The following COL13A1 variants were observed in gnomAD, a reference collection of about 807,000 sequenced individuals.
COL13A1 encodes collagen alpha-1(XIII) chain.
COL13A1 carries 89 observed loss-of-function variants against 130.9 expected under a neutral mutation model. That is an observed-to-expected ratio of 0.68 (90% CI 0.57 to 0.81). COL13A1 has a LOEUF of 0.81. COL13A1 is among the 30% of genes least tolerant of loss of function. The pLI is 0.00. For synonymous variants in COL13A1, 402 were observed against 341.6 expected (o/e 1.18, Z -1.95); for missense variants, 879 against 934.6 (o/e 0.94, Z 0.78).
intron 37 of COL13A1, among the ~76,000 whole-genome samples, chr10:69,946,738 A>C (rs550229992): frequency 6.6e-6 from 1 of 152,168 alleles, no homozygotes; most frequent in Non-Finnish European, 1.5e-5. Context: ...ACCCAGCCAC[A>C]GGCCAGGACC....
chr10:69,831,238 A>G (rs1848746525), intron 2 of COL13A1, among the ~76,000 whole-genome samples: 2 of 152,188 alleles, frequency 1.3e-5, no homozygotes, highest in South Asian at 4.1e-4. Flanking sequence ...GTGCACCCTC[A>G]GCCACCTGTG....
chr10:69,846,956 AG>A (rs1853314132), intron 2 of COL13A1, among the ~76,000 whole-genome samples: 1 of 152,212 alleles, frequency 6.6e-6, no homozygotes, highest in Non-Finnish European at 1.5e-5. Flanking sequence ...GGCCCTCATT[AG>A]GGGCTCACCC....
At chr10:69,884,266 G>C (rs1366685527) in intron 7 of COL13A1, among the ~76,000 whole-genome samples, 3 of 152,152 alleles carry the variant, frequency 2.0e-5, no homozygotes, top group Non-Finnish European at 4.4e-5. Context: ...ACCTCATGTT[G>C]GTAGCTTGAA....
At chr10:69,937,108 G>T (rs1360583956) in intron 33 of COL13A1, among the ~76,000 whole-genome samples, 1 of 152,174 alleles carries the variant, frequency 6.6e-6, no homozygotes, top group Non-Finnish European at 1.5e-5. Context: ...AGCAACATAG[G>T]GTGGGACCCC....
At chr10:69,874,390 G>T (rs2134139935) in intron 4 of COL13A1, among the ~76,000 whole-genome samples, 1 of 152,258 alleles carries the variant, frequency 6.6e-6, no homozygotes, top group Admixed American at 6.5e-5. Flanking sequence ...CCCACCCCAG[G>T]TTTTATGATG....
intron 21 of COL13A1, among the ~76,000 whole-genome samples, chr10:69,920,775 G>A (rs758428835): frequency 1.3e-5 from 2 of 152,154 alleles, no homozygotes. Flanking sequence ...TGTTATGGCC[G>A]CCTGAGCTGA....
At chr10:69,953,826 CCT>C (rs2070093321) in intron 39 of COL13A1, 3 of 152,752 alleles carry the variant, frequency 2.0e-5, no homozygotes, top group African/African-American at 7.2e-5. Flanking sequence ...GGATTTAGCC[CCT>C]GTTTGTAGAT....
At chr10:69,803,589 G>A (rs1375089385) in intron 1 of COL13A1, among the ~76,000 whole-genome samples, 1 of 152,166 alleles carries the variant, frequency 6.6e-6, no homozygotes, top group Non-Finnish European at 1.5e-5. Flanking sequence ...AGGCAGGTGG[G>A]GGCCGCAGCA....
chr10:69,929,189 T>C (rs1261402758), intron 28 of COL13A1, among the ~76,000 whole-genome samples, 190 bp downstream of exon 28: 1 of 148,926 alleles, frequency 6.7e-6, no homozygotes, highest in African/African-American at 2.4e-5. Flanking sequence ...TGCCATCTGC[T>C]TGGGCTCCTG....
chr10:69,895,789 T>C (rs1328916371), intron 13 of COL13A1, among the ~76,000 whole-genome samples: 1 of 152,132 alleles, frequency 6.6e-6, no homozygotes, highest in Non-Finnish European at 1.5e-5. Context: ...AGCCATGTGC[T>C]ATATGGAGCC....
chr10:69,923,418 G>T (rs1339055421), intron 23 of COL13A1, among the ~76,000 whole-genome samples: 1 of 152,214 alleles, frequency 6.6e-6, no homozygotes, highest in Admixed American at 6.5e-5. Context: ...AATGAAGGGG[G>T]TCTGTTTCTT....
At chr10:69,901,834 C>A (rs1321875447) in intron 14 of COL13A1, among the ~76,000 whole-genome samples, 1 of 152,224 alleles carries the variant, frequency 6.6e-6, no homozygotes, top group Non-Finnish European at 1.5e-5. Flanking sequence ...GCTCACAGTC[C>A]ATCCCGTGGA....
chr10:69,894,272 G>A (rs2061439478), intron 10 of COL13A1, among the ~76,000 whole-genome samples: 1 of 152,212 alleles, frequency 6.6e-6, no homozygotes, highest in South Asian at 2.1e-4. Context: ...TGACCTCTAG[G>A]TAGAGCCCCT....
chr10:69,894,716 G>C lies in COL13A1; in HGVS notation c.657+15G>C. On this transcript the variant is annotated intron_variant, in intron 12 of 40. Coordinates refer to ENST00000645393, the MANE Select transcript of COL13A1 (RefSeq NM_001368882.1). ...AAGGAGAAAAGGTAAGAGCAGTGGA[G>C]GTTTCCTAGAGTCTCCATCTCAGGA... The C allele has an allele frequency of 6.2e-7, 1 of 1,613,878 alleles. No individual in the cohort carries two copies. Among genetic ancestry groups the C allele is most frequent in the Non-Finnish European group, 8.5e-7 (1 of 1,179,854 alleles).
At chr10:69,853,467 C>T (rs1186134595) in intron 2 of COL13A1, among the ~76,000 whole-genome samples, 14 of 152,214 alleles carry the variant, frequency 9.2e-5, no homozygotes, top group Non-Finnish European at 1.9e-4. Context: ...GCCATAGGAT[C>T]TAGGGAAGCA....
At chr10:69,834,655 T>A (rs1393974279) in intron 2 of COL13A1, among the ~76,000 whole-genome samples, 1 of 152,186 alleles carries the variant, frequency 6.6e-6, no homozygotes, top group Non-Finnish European at 1.5e-5. Flanking sequence ...GGTCCACGGA[T>A]AAGGGACAGA....
chr10:69,824,237 G>A (rs892981269), intron 2 of COL13A1: 4 of 445,178 alleles, frequency 9.0e-6, no homozygotes, highest in Non-Finnish European at 1.4e-5. Context: ...TTCCTAGTAA[G>A]CATGATTATG....
chr10:69,949,965 C>CATGTGTTTGTGTGT (rs1565161392), intron 38 of COL13A1, among the ~76,000 whole-genome samples: 1 of 87,620 alleles, frequency 1.1e-5, no homozygotes, highest in Non-Finnish European at 2.4e-5. Flanking sequence ...TTTGTGTGTG[C>CATGTGTTTGTGTGT]GTGTGTGTGT....
chr10:69,844,989 T>A (rs1852615090), intron 2 of COL13A1, among the ~76,000 whole-genome samples: 1 of 152,128 alleles, frequency 6.6e-6, no homozygotes, highest in Non-Finnish European at 1.5e-5. Flanking sequence ...AGGAGCTTGC[T>A]GGAAAGGCCA....
Sources: gnomAD v4.1 joint callset for allele counts (sites outside exome capture counted in the v4.1 genomes callset) on GRCh38, gnomAD v4.1.1 for gene constraint, MANE v1.5 for transcripts, NCBI Gene and HGNC (gene_info 2026-07-23, HGNC 2026-07-21) for gene names.